Variants in PLEKHA5 observed in about 807,000 individuals in gnomAD.
The protein encoded by PLEKHA5 is pleckstrin homology domain-containing family A member 5.
PLEKHA5 carries 55 observed loss-of-function variants against 181.9 expected under a neutral mutation model. That is an observed-to-expected ratio of 0.30 (90% CI 0.24 to 0.38). The LOEUF (loss-of-function observed/expected upper bound fraction) is 0.38, where lower values mean the gene tolerates loss of function less well. Among genes scored for constraint, PLEKHA5 ranks in the 10% least tolerant of loss-of-function variants. The pLI, the probability that PLEKHA5 is intolerant of heterozygous loss-of-function variation, is 1.00. For synonymous variants in PLEKHA5, 535 were observed against 529.4 expected, an observed-to-expected ratio of 1.01 and a Z score of -0.15; for missense variants, 1,432 against 1,549.5, an observed-to-expected ratio of 0.92 and a Z score of 1.27.
intron 6 of PLEKHA5, among the ~76,000 whole-genome samples, chr12:19,258,946 A>G (rs2067610226): frequency 1.3e-5 from 2 of 152,318 alleles, no homozygotes; most frequent in South Asian, 2.1e-4. Context: ...ATTTCAGTGC[A>G]AAACTGAGCC....
At chr12:19,279,655 A>G (rs1462175881) in intron 11 of PLEKHA5, among the ~76,000 whole-genome samples, 1 of 148,644 alleles carries the variant, frequency 6.7e-6, no homozygotes, top group African/African-American at 2.5e-5. Flanking sequence ...GTGAGACTCC[A>G]TCTCAAAAAA....
chr12:19,332,222 T>TA (rs1220989648), intron 20 of PLEKHA5, among the ~76,000 whole-genome samples: 1 of 152,132 alleles, frequency 6.6e-6, no homozygotes, highest in Non-Finnish European at 1.5e-5. Flanking sequence ...TGCAGTGAAT[T>TA]ATGATCATGC....
intron 15 of PLEKHA5, among the ~76,000 whole-genome samples, chr12:19,306,024 G>A (rs1015266471): frequency 8.6e-5 from 13 of 151,942 alleles, no homozygotes; most frequent in African/African-American, 3.1e-4. Flanking sequence ...AGGTTGCAGT[G>A]AGCTGAGATC....
intron 20 of PLEKHA5, among the ~76,000 whole-genome samples, chr12:19,331,600 A>G (rs1023694846): frequency 6.6e-6 from 1 of 152,170 alleles, no homozygotes; most frequent in African/African-American, 2.4e-5. Flanking sequence ...GGAAATCTGG[A>G]ATTTCATTAC....
At chr12:19,321,355 CTTTTCTT>C (rs1054504471) in intron 18 of PLEKHA5, among the ~76,000 whole-genome samples, 2 of 70,338 alleles carry the variant, frequency 2.8e-5, no homozygotes, top group African/African-American at 7.9e-5. Flanking sequence ...CTTTTCTTTT[CTTTTCTT>C]TTTTTTTTTT....
intron 15 of PLEKHA5, chr12:19,303,676 G>T (rs2082241553): frequency 1.3e-5 from 2 of 152,166 alleles, no homozygotes; most frequent in South Asian, 4.1e-4. Context: ...CAGCCCAGTA[G>T]GAAATGCAGC....
At chr12:19,137,860 A>G (rs1430285331) in intron 3 of PLEKHA5, among the ~76,000 whole-genome samples, 1 of 152,178 alleles carries the variant, frequency 6.6e-6, no homozygotes, top group African/African-American at 2.4e-5. Context: ...TGTGATGATG[A>G]TGATGCTGGC....
chr12:19,236,015 AG>A (rs777142891), intron 3 of PLEKHA5, among the ~76,000 whole-genome samples: 2 of 152,212 alleles, frequency 1.3e-5, no homozygotes, highest in Non-Finnish European at 2.9e-5. Flanking sequence ...AACACAGAAA[AG>A]CACAAAGATA....
chr12:19,372,653 G>A (rs897368686), intron 31 of PLEKHA5: 1 of 151,998 alleles, frequency 6.6e-6, no homozygotes, highest in African/African-American at 2.4e-5. Flanking sequence ...GTTTTTGTCA[G>A]TTGGTATCTG....
intron 3 of PLEKHA5, 78 bp downstream of exon 3, chr12:19,132,528 C>A: frequency 1.4e-6 from 1 of 730,564 alleles, no homozygotes; most frequent in South Asian, 1.6e-5. Flanking sequence ...GTTGTATGTC[C>A]AGTCTTGATC....
chr12:19,346,030 T>C (rs890837267), intron 23 of PLEKHA5, 142 bp downstream of exon 23: 4 of 446,296 alleles, frequency 9.0e-6, no homozygotes, highest in African/African-American at 8.3e-5. Flanking sequence ...TGAAATTTTA[T>C]TGGATCAGTA....
chr12:19,302,758 T>C (rs2081912194), intron 15 of PLEKHA5, among the ~76,000 whole-genome samples: 1 of 152,068 alleles, frequency 6.6e-6, no homozygotes, highest in African/African-American at 2.4e-5. Flanking sequence ...CATGTGGCTA[T>C]TTAAATTTGT....
intron 3 of PLEKHA5, among the ~76,000 whole-genome samples, chr12:19,240,270 A>T (rs565973462): frequency 6.6e-6 from 1 of 152,266 alleles, no homozygotes; most frequent in East Asian, 1.9e-4. Flanking sequence ...GTGGCAATTT[A>T]TGTATAGGTT....
intron 3 of PLEKHA5, chr12:19,149,705 C>T (rs956698246): frequency 6.6e-6 from 1 of 152,042 alleles, no homozygotes; most frequent in African/African-American, 2.4e-5. Flanking sequence ...TCTAGCATGG[C>T]CTTATCCAGG....
At chr12:19,223,298 G>A (rs550542519) in intron 3 of PLEKHA5, among the ~76,000 whole-genome samples, 1 of 152,086 alleles carries the variant, frequency 6.6e-6, no homozygotes, top group South Asian at 2.1e-4. Context: ...TATGAAAGAA[G>A]CCTCTTAATT....
intron 3 of PLEKHA5, among the ~76,000 whole-genome samples, chr12:19,227,039 T>G (rs2059789935): frequency 6.6e-6 from 1 of 152,162 alleles, no homozygotes; most frequent in Admixed American, 6.5e-5. Context: ...TCTTTTGTGA[T>G]GTTTTCTATT....
At chr12:19,367,068 G>A (rs1227330514) in intron 30 of PLEKHA5, among the ~76,000 whole-genome samples, 5 of 151,704 alleles carry the variant, frequency 3.3e-5, no homozygotes. Flanking sequence ...TGTATTTGTA[G>A]TACAGATGGG....
intron 3 of PLEKHA5, among the ~76,000 whole-genome samples, chr12:19,173,471 A>G (rs2046469672): frequency 7.5e-6 from 1 of 133,660 alleles, no homozygotes; most frequent in African/African-American, 2.7e-5. Flanking sequence ...AAAAAAAAAA[A>G]TGTGCTCCAT....
chr12:19,187,102 A>G (rs1169743653), intron 3 of PLEKHA5, among the ~76,000 whole-genome samples: 1 of 152,176 alleles, frequency 6.6e-6, no homozygotes, highest in Non-Finnish European at 1.5e-5. Context: ...TGCCTTGTCT[A>G]GTAGCATTCT....
Sources: allele counts gnomAD v4.1 joint callset (sites outside exome capture counted in the v4.1 genomes callset), GRCh38; gene constraint gnomAD v4.1.1; transcripts MANE v1.5; gene names NCBI Gene and HGNC (gene_info 2026-07-23, HGNC 2026-07-21).